Variants in ETF1 observed in about 807,000 individuals in gnomAD.
The protein encoded by ETF1 is eukaryotic peptide chain release factor subunit 1.
A neutral mutation model predicts 55.1 loss-of-function variants in ETF1; 4 were observed. The observed-to-expected ratio is 0.07, with a 90% CI of 0.04 to 0.17. The LOEUF (loss-of-function observed/expected upper bound fraction) is 0.17, where lower values mean the gene tolerates loss of function less well. Among genes scored for constraint, ETF1 ranks in the 10% least tolerant of loss-of-function variants. ETF1 has a pLI of 1.00. For synonymous variants in ETF1, 157 were observed against 182.3 expected, an observed-to-expected ratio of 0.86 and a Z score of 1.12; for missense variants, 142 against 523.6, an observed-to-expected ratio of 0.27 and a Z score of 7.11.
At chr5:138,529,787 C>A in intron 2 of ETF1, 8 of 878,070 alleles carry the variant, frequency 9.1e-6, no homozygotes, top group Non-Finnish European at 1.1e-5. Flanking sequence ...GGGTCTTGCT[C>A]TGTCACCCAG....
At chr5:138,529,097 A>G (rs575724455) in intron 2 of ETF1, among the ~76,000 whole-genome samples, 2 of 152,034 alleles carry the variant, frequency 1.3e-5, no homozygotes, top group South Asian at 4.1e-4. Flanking sequence ...CCATTGCACT[A>G]CAGCCTGGGT....
intron 2 of ETF1, among the ~76,000 whole-genome samples, chr5:138,538,448 C>T (rs1422317160): frequency 6.6e-6 from 1 of 152,206 alleles, no homozygotes; most frequent in Non-Finnish European, 1.5e-5. Context: ...CCTTGGCCTC[C>T]CAAAGTGCTG....
intron 3 of ETF1, among the ~76,000 whole-genome samples, 165 bp downstream of exon 3, chr5:138,518,527 T>C (rs561184071): frequency 3.9e-5 from 6 of 151,980 alleles, no homozygotes; most frequent in Admixed American, 2.0e-4. Context: ...TAACTTTCAA[T>C]AAACAAAAAA....
At chr5:138,514,568 C>CT (rs59685005) in intron 4 of ETF1, among the ~76,000 whole-genome samples, 9,366 of 139,838 alleles carry the variant, frequency 0.067, 926 homozygotes, top group African/African-American at 0.22. Context: ...TAACTTGTTC[C>CT]TTTTTTTTTT....
At chr5:138,521,454 G>A (rs1765228691) in intron 2 of ETF1, among the ~76,000 whole-genome samples, 1 of 152,124 alleles carries the variant, frequency 6.6e-6, no homozygotes, top group Non-Finnish European at 1.5e-5. Context: ...GGTTAAGATG[G>A]TAAACTTCAT....
chr5:138,516,946 G>C (rs1443433370), intron 4 of ETF1, among the ~76,000 whole-genome samples: 2 of 152,084 alleles, frequency 1.3e-5, no homozygotes. Context: ...TGGCATATAG[G>C]TATACAATGG....
intron 2 of ETF1, among the ~76,000 whole-genome samples, chr5:138,530,059 T>A (rs2127112816): frequency 6.6e-6 from 1 of 152,234 alleles, no homozygotes; most frequent in South Asian, 2.1e-4. Context: ...ACAAGGATCT[T>A]AATCAATGTT....
intron 2 of ETF1, among the ~76,000 whole-genome samples, chr5:138,534,552 T>G (rs979022876): frequency 6.6e-6 from 1 of 152,230 alleles, no homozygotes; most frequent in Non-Finnish European, 1.5e-5. Context: ...AATAAACATG[T>G]TCAGTATCCA....
chr5:138,509,573 T>G (rs1387711116), intron 9 of ETF1, among the ~76,000 whole-genome samples: 1 of 151,844 alleles, frequency 6.6e-6, no homozygotes, highest in East Asian at 1.9e-4. Flanking sequence ...ACCAGCCTGG[T>G]GAACACAGCA....
intron 9 of ETF1, among the ~76,000 whole-genome samples, chr5:138,510,097 C>T (rs999624393): frequency 1.3e-5 from 2 of 151,294 alleles, no homozygotes; most frequent in Middle Eastern, 3.4e-3. Context: ...GTGGCTCACA[C>T]CTGTAATCCC....
chr5:138,542,641 C>A (rs934563258), intron 2 of ETF1, 192 bp downstream of exon 2: 11 of 1,426,936 alleles, frequency 7.7e-6, no homozygotes, highest in Non-Finnish European at 9.1e-6. Flanking sequence ...TACCCCCATG[C>A]GGGGAAAGGA....
intron 2 of ETF1, among the ~76,000 whole-genome samples, chr5:138,530,850 C>T (rs754420606): frequency 1.3e-5 from 2 of 152,200 alleles, no homozygotes; most frequent in African/African-American, 4.8e-5. Context: ...CAGGTGTGAG[C>T]GACTGTGCCC....
intron 2 of ETF1, among the ~76,000 whole-genome samples, chr5:138,526,719 G>A (rs1449348410): frequency 6.7e-6 from 1 of 149,430 alleles, no homozygotes; most frequent in East Asian, 2.0e-4. Flanking sequence ...TTTTTTTTTT[G>A]AGATGGAGTC....
In ETF1 at chr5:138,541,528, G is replaced by A. The variant is rs993615941; in HGVS notation, c.86+1305C>T. The A allele has an allele frequency of 9.8e-6, 15 of 1,533,110 alleles. No homozygotes were observed. In the Admixed American group the frequency reaches 1.6e-4, roughly 16 times the overall value. 95.0% of individuals were successfully genotyped at this position (1,533,110 alleles called of 1,614,324 possible). On this transcript the variant is annotated intron_variant, in intron 2 of 10. Coordinates refer to ENST00000360541, the MANE Select transcript of ETF1 (RefSeq NM_004730.4). ...CACTAGTAAAACCAACCTGTGAATT[G>A]GGCCTTCAGTACAATTAAGCACATC...
In ETF1 at chr5:138,508,020, T is replaced by C. The variant is rs1372485728; in HGVS notation, c.*285A>G. On this transcript the variant is annotated 3_prime_UTR_variant, in exon 11 of 11. Transcript: ENST00000360541. ...TTTCATAAAATACAAGAGCAACCAA[T>C]TTCACCATCCAGTAAAAGTAAAAAC... The C allele has an allele frequency of 5.8e-6, 2 of 342,856 alleles. No individual in the cohort carries two copies. The highest frequency in any genetic ancestry group is 1.1e-5 in the Non-Finnish European group (2 of 190,266). 21.2% of individuals were successfully genotyped at this position (342,856 alleles called of 1,614,324 possible).
In ETF1 at chr5:138,511,865, GA is replaced by G. The variant is rs935190304; in HGVS notation, c.733-262del. 3.0e-6 allele frequency: 3 copies of G among 985,026 alleles called. No homozygotes were observed. In the African/African-American group the frequency reaches 5.2e-5, roughly 17 times the overall value. The allele number at this position is 985,026 out of a possible 1,614,324, so 61.0% of individuals were successfully genotyped here. A position where few individuals can be genotyped will look rare whatever the true frequency, so the allele number is the denominator to read the frequency against. On this transcript the variant is annotated intron_variant, in intron 6 of 10. Coordinates refer to ENST00000360541, the MANE Select transcript of ETF1 (RefSeq NM_004730.4). ...CAAACAAAAATAAGTTATTGTGGAGGAAAGGGGGGACCACTGGCTCCTGCCA... is the reference window on the plus strand; with the variant it reads ...CAAACAAAAATAAGTTATTGTGGAGGAAGGGGGGACCACTGGCTCCTGCCA...
intron 2 of ETF1, among the ~76,000 whole-genome samples, chr5:138,526,730 TCG>T: frequency 6.6e-6 from 1 of 151,896 alleles, no homozygotes; most frequent in East Asian, 1.9e-4. Flanking sequence ...AGATGGAGTC[TCG>T]CTCTGCTGCC....
chr5:138,534,390 G>A (rs1344368078), intron 2 of ETF1, among the ~76,000 whole-genome samples: 1 of 152,200 alleles, frequency 6.6e-6, no homozygotes, highest in African/African-American at 2.4e-5. Context: ...AATTTCTCTA[G>A]TGTTCTTACA....
intron 2 of ETF1, chr5:138,529,712 T>C (rs1765617442): frequency 9.1e-6 from 9 of 984,330 alleles, no homozygotes; most frequent in Non-Finnish European, 1.1e-5. Flanking sequence ...AAAGGAATTG[T>C]AACAGAACTA....
Sources: gnomAD v4.1 joint callset for allele counts (sites outside exome capture counted in the v4.1 genomes callset) on GRCh38, gnomAD v4.1.1 for gene constraint, MANE v1.5 for transcripts, NCBI Gene and HGNC (gene_info 2026-07-23, HGNC 2026-07-21) for gene names.